BTBD3: variants seen among roughly 807,000 people sequenced by gnomAD.
The protein encoded by BTBD3 is BTB domain containing 3.
A neutral mutation model predicts 41.6 loss-of-function variants in BTBD3; 14 were observed. The observed-to-expected ratio is 0.34, with a 90% CI of 0.22 to 0.53. The LOEUF (loss-of-function observed/expected upper bound fraction) is 0.53, where lower values mean the gene tolerates loss of function less well. Among genes scored for constraint, BTBD3 ranks in the 20% least tolerant of loss-of-function variants. BTBD3 has a pLI of 0.95. For missense variants in BTBD3, 426 were observed against 654.7 expected (o/e 0.65, Z 3.81); for synonymous variants, 249 against 233.7 (o/e 1.07, Z -0.60).
Position 11,922,976 on chromosome 20 carries a change from T to C in BTBD3, c.879T>C (p.Ala293=). The C allele has an allele frequency of 6.2e-7, 1 of 1,614,216 alleles. No individual in the cohort carries two copies. Among genetic ancestry groups the C allele is most frequent in the Non-Finnish European group, 8.5e-7 (1 of 1,180,044 alleles). ...IVVFEAALNW[A]EVECQRQDLA... is the part of the protein sequence containing the mutation. ...TTTTTGAGGCAGCTCTCAACTGGGC[T>C]GAAGTAGAATGCCAACGACAAGATC... is the stretch of plus-strand genomic sequence containing the variant. Residue 293 remains alanine (A), a synonymous_variant, in exon 4 of 4, where the codon GCT becomes GCC. Transcript: ENST00000378226.
intron 1 of BTBD3, among the ~76,000 whole-genome samples, chr20:11,894,326 A>T (rs1295493072): frequency 6.6e-6 from 1 of 152,262 alleles, no homozygotes; most frequent in African/African-American, 2.4e-5. Context: ...CCTGGGGCAG[A>T]GGTGAACTCT....
At chr20:11,911,518 C>T (rs1205831559) in intron 1 of BTBD3, among the ~76,000 whole-genome samples, 1 of 152,064 alleles carries the variant, frequency 6.6e-6, no homozygotes, top group Non-Finnish European at 1.5e-5. Context: ...GAAGAATTGT[C>T]TTGAGCCACA....
At chr20:11,892,844 A>G (rs2056764274) in intron 1 of BTBD3, among the ~76,000 whole-genome samples, 1 of 152,160 alleles carries the variant, frequency 6.6e-6, no homozygotes, top group African/African-American at 2.4e-5. Flanking sequence ...ATAACTCCAC[A>G]TCTGTGCGGA....
At chr20:11,892,071 A>G (rs2056758171) in intron 1 of BTBD3, among the ~76,000 whole-genome samples, 1 of 152,218 alleles carries the variant, frequency 6.6e-6, no homozygotes. Context: ...AGTAGCATTC[A>G]GTTTGTAATT....
At chr20:11,902,364 A>G (rs2056829106) in intron 1 of BTBD3, among the ~76,000 whole-genome samples, 2 of 152,172 alleles carry the variant, frequency 1.3e-5, no homozygotes, top group South Asian at 2.1e-4. Context: ...ACAGACCTCA[A>G]TCTACAGTAC....
At chr20:11,916,363 C>T (rs574491569), upstream of BTBD3, among the ~76,000 whole-genome samples, 2 of 152,170 alleles carry the variant, frequency 1.3e-5, no homozygotes, top group South Asian at 2.1e-4. Flanking sequence ...TTTCTAGATC[C>T]CTCTCTAACA....
At chr20:11,891,297 C>T (rs1600222208) in intron 1 of BTBD3, 1 of 151,554 alleles carries the variant, frequency 6.6e-6, no homozygotes, top group Non-Finnish European at 1.5e-5. Context: ...CCCGCCTGGC[C>T]GTGCGGACGC....
At position 11,896,036 on chromosome 20, in the gene BTBD3, T is replaced by C. The variant is rs564229425; in HGVS notation, c.-126+5082T>C. Among the ~76,000 whole-genome samples, 6 of 152,292 alleles carry C rather than the reference T, an allele frequency of 3.9e-5. No individual in the cohort carries two copies. The East Asian group carries it at 1.2e-3, about 29-fold the overall frequency. On this transcript the variant is annotated intron_variant, in intron 1 of 4. Transcript: ENST00000254977. ...TAGGGAAAGGGTGTAATTGGATATGTGTGTTAAATTTACCGTCTTAATCTG... is the reference window on the plus strand; with the variant it reads ...TAGGGAAAGGGTGTAATTGGATATGCGTGTTAAATTTACCGTCTTAATCTG...
upstream of BTBD3, chr20:11,917,818 C>T: frequency 1.7e-6 from 1 of 590,326 alleles, no homozygotes; most frequent in Non-Finnish European, 2.1e-6. Context: ...TTGGTGACTT[C>T]AGCTATTGGC....
chr20:11,914,761 A>C (rs1396160159), upstream of BTBD3, among the ~76,000 whole-genome samples: 1 of 152,152 alleles, frequency 6.6e-6, no homozygotes, highest in African/African-American at 2.4e-5. Context: ...TGAAAAGAAA[A>C]GAAGAAAGAA....
At chr20:11,900,777 G>A (rs958871319) in intron 1 of BTBD3, among the ~76,000 whole-genome samples, 1 of 147,256 alleles carries the variant, frequency 6.8e-6, no homozygotes, top group Non-Finnish European at 1.5e-5. Context: ...GCGACATCTC[G>A]ACTCACTGCA....
chr20:11,892,967 A>G (rs973523661), intron 1 of BTBD3, among the ~76,000 whole-genome samples: 4 of 152,168 alleles, frequency 2.6e-5, no homozygotes, highest in Admixed American at 2.0e-4. Context: ...TTGTAATGTT[A>G]TACTTTAACA....
chr20:11,905,855 G>A (rs528419834), intron 1 of BTBD3, among the ~76,000 whole-genome samples: 3 of 152,262 alleles, frequency 2.0e-5, no homozygotes, highest in Middle Eastern at 3.4e-3. Context: ...AGCAGATGTT[G>A]CTGGGAGGTT....
intron 3 of BTBD3, chr20:11,921,537 G>C (rs972735346): frequency 1.3e-5 from 2 of 152,194 alleles, no homozygotes; most frequent in Admixed American, 1.3e-4. Context: ...CATGCTCTAG[G>C]ATCCTCCCCA....
At chr20:11,905,628 A>G (rs1413551863) in intron 1 of BTBD3, among the ~76,000 whole-genome samples, 1 of 152,240 alleles carries the variant, frequency 6.6e-6, no homozygotes, top group Non-Finnish European at 1.5e-5. Context: ...GCGGAAAAGT[A>G]AGGTGACTTT....
intron 1 of BTBD3, among the ~76,000 whole-genome samples, chr20:11,908,133 A>C (rs1340934265): frequency 3.9e-5 from 6 of 152,274 alleles, no homozygotes; most frequent in African/African-American, 1.4e-4. Flanking sequence ...CGGAACTCTT[A>C]GTAGAAATTA....
intron 1 of BTBD3, among the ~76,000 whole-genome samples, chr20:11,904,238 CAT>C (rs926850179): frequency 2.6e-5 from 4 of 152,248 alleles, no homozygotes; most frequent in Non-Finnish European, 2.9e-5. Flanking sequence ...GCTCAGGAAA[CAT>C]AGAATCATGG....
intron 1 of BTBD3, chr20:11,892,483 A>G (rs1387769834): frequency 3.3e-5 from 5 of 152,344 alleles, no homozygotes; most frequent in East Asian, 1.9e-4. Context: ...GTTTCTGAAC[A>G]GGACTCTTCC....
chr20:11,904,024 A>G (rs563658767), intron 1 of BTBD3, among the ~76,000 whole-genome samples: 1 of 152,226 alleles, frequency 6.6e-6, no homozygotes, highest in Non-Finnish European at 1.5e-5. Flanking sequence ...TTCTAGGAGA[A>G]TGAAAGGGAA....
Sources: gnomAD v4.1 joint callset for allele counts (sites outside exome capture counted in the v4.1 genomes callset) on GRCh38, gnomAD v4.1.1 for gene constraint, MANE v1.5 for transcripts, NCBI Gene and HGNC (gene_info 2026-07-23, HGNC 2026-07-21) for gene names.